The following TAF4B variants were observed in gnomAD, a reference collection of about 807,000 sequenced individuals.
TAF4B encodes the protein transcription initiation factor TFIID subunit 4B.
TAF4B carries 38 observed loss-of-function variants against 86.4 expected under a neutral mutation model. The ratio of observed to expected loss-of-function variants is 0.44; its 90% CI spans 0.34 to 0.58. TAF4B has a LOEUF of 0.58. TAF4B is among the 20% of genes least tolerant of loss of function. The probability of loss-of-function intolerance (pLI) is 0.02; values close to 1 mark genes in which losing one functional copy is unlikely to be tolerated. For synonymous variants in TAF4B, 388 were observed against 391.2 expected (o/e 0.99, Z 0.10); for missense variants, 988 against 1,027.6 (o/e 0.96, Z 0.53).
intron 1 of TAF4B, among the ~76,000 whole-genome samples, chr18:26,253,381 A>G (rs971479986): frequency 6.6e-6 from 1 of 152,134 alleles, no homozygotes; most frequent in African/African-American, 2.4e-5. Context: ...GTTTTATAGT[A>G]GTTAGTGTTT....
chr18:26,325,957 C>G (rs1196318807), intron 11 of TAF4B, among the ~76,000 whole-genome samples: 2 of 152,046 alleles, frequency 1.3e-5, no homozygotes, highest in African/African-American at 2.4e-5. Context: ...TATGAAATCC[C>G]TCAGTCACAG....
intron 1 of TAF4B, among the ~76,000 whole-genome samples, chr18:26,264,070 A>G (rs575033122): frequency 1.6e-4 from 25 of 152,274 alleles, no homozygotes; most frequent in East Asian, 5.8e-4. Flanking sequence ...AGGACACACA[A>G]ATTGCCTTGG....
At chr18:26,373,391 CAT>C (rs974448436) in intron 14 of TAF4B, among the ~76,000 whole-genome samples, 3 of 152,164 alleles carry the variant, frequency 2.0e-5, no homozygotes, top group Non-Finnish European at 4.4e-5. Flanking sequence ...TATTGTCACT[CAT>C]ACCTTTTGAT....
chr18:26,325,127 G>A (rs1021035862), intron 11 of TAF4B, among the ~76,000 whole-genome samples: 1 of 152,208 alleles, frequency 6.6e-6, no homozygotes, highest in Non-Finnish European at 1.5e-5. Context: ...AAGTAAATAA[G>A]TAGAAAGTGA....
At chr18:26,271,020 A>G (rs896390842) in intron 3 of TAF4B, among the ~76,000 whole-genome samples, 5 of 152,136 alleles carry the variant, frequency 3.3e-5, no homozygotes. Flanking sequence ...AAGTTGGGCT[A>G]CTCCTTAGTG....
intron 1 of TAF4B, among the ~76,000 whole-genome samples, chr18:26,253,594 T>G (rs114518775): frequency 0.019 from 2,920 of 152,288 alleles, 80 homozygotes; most frequent in African/African-American, 0.067. Flanking sequence ...ATAGATTGAG[T>G]TGGGACGTGT....
At chr18:26,346,825 ATATATATATATGTGTGTGTG>A (rs2057193603) in intron 13 of TAF4B, among the ~76,000 whole-genome samples, 4 of 19,938 alleles carry the variant, frequency 2.0e-4, no homozygotes, top group African/African-American at 4.9e-4. Context: ...ATGTGTGTGT[ATATATATATATGTGTGTGTG>A]TATATATATA....
At position 26,353,189 on chromosome 18, in the gene TAF4B, T is replaced by C. The variant is rs542564946; in HGVS notation, c.2317-4501T>C. On this transcript the variant is annotated intron_variant, in intron 13 of 14. Coordinates refer to ENST00000269142, the MANE Select transcript of TAF4B (RefSeq NM_005640.3). ...ACATCCCAAACAAAATGTTAGCAAATCAAATCTACTTTAGATTTGATATAA... is the reference window on the plus strand; with the variant it reads ...ACATCCCAAACAAAATGTTAGCAAACCAAATCTACTTTAGATTTGATATAA... Among the ~76,000 whole-genome samples, 19 of 152,200 alleles carry C rather than the reference T, an allele frequency of 1.2e-4. No homozygotes were observed. In the South Asian group the frequency reaches 3.9e-3, roughly 32 times the overall value.
At chr18:26,358,547 A>G (rs1291323584) in intron 14 of TAF4B, among the ~76,000 whole-genome samples, 1 of 152,136 alleles carries the variant, frequency 6.6e-6, no homozygotes, top group Non-Finnish European at 1.5e-5. Context: ...TGTCTCTACT[A>G]AAAATATAAA....
intron 14 of TAF4B, among the ~76,000 whole-genome samples, chr18:26,380,781 A>G (rs2057472933): frequency 6.6e-6 from 1 of 151,614 alleles, no homozygotes; most frequent in Non-Finnish European, 1.5e-5. Context: ...TATAAATAAC[A>G]TATAATTGAG....
At chr18:26,336,231 C>A (rs889037349) in intron 13 of TAF4B, among the ~76,000 whole-genome samples, 1 of 152,188 alleles carries the variant, frequency 6.6e-6, no homozygotes, top group Non-Finnish European at 1.5e-5. Context: ...TTTTAAGGAT[C>A]TTTGTGCTAA....
chr18:26,306,610 C>T (rs939211891), intron 9 of TAF4B, among the ~76,000 whole-genome samples: 1 of 152,066 alleles, frequency 6.6e-6, no homozygotes, highest in African/African-American at 2.4e-5. Flanking sequence ...ATAATCTCAG[C>T]TATTTCTTAG....
intron 14 of TAF4B, among the ~76,000 whole-genome samples, chr18:26,358,406 G>A (rs570734711): frequency 3.3e-5 from 5 of 152,314 alleles, no homozygotes; most frequent in Admixed American, 2.6e-4. Flanking sequence ...CATCTTCAGA[G>A]TAATTATTTA....
intron 13 of TAF4B, among the ~76,000 whole-genome samples, chr18:26,350,141 T>C (rs192044407): frequency 3.0e-4 from 46 of 152,266 alleles, no homozygotes; most frequent in Admixed American, 7.2e-4. Context: ...GGACATACTT[T>C]ATGTCAGGAA....
At position 26,275,025 on chromosome 18, in the gene TAF4B, A is replaced by G. The variant is rs749384298; in HGVS notation, c.854A>G (p.Asn285Ser). 1.2e-6 allele frequency: 2 copies of G among 1,611,234 alleles called. No homozygotes were observed. Among genetic ancestry groups the G allele is most frequent in the South Asian group, 1.1e-5 (1 of 90,560 alleles). The change falls in exon 5 of 15, where the codon AAT (asparagine) becomes AGT (serine). Residue 285 changes from asparagine to serine, a missense_variant. Coordinates refer to ENST00000269142, the MANE Select transcript of TAF4B (RefSeq NM_005640.3). Reference sequence around the variant, plus strand: ...TCACAGTCCCCAGAAATGGGGCAAAATGTGAAGAAGCTGGTGGAACAACTT... The same window carrying G: ...TCACAGTCCCCAGAAATGGGGCAAAGTGTGAAGAAGCTGGTGGAACAACTT... ...SGSQSPEMGQ[N>S]VKKLVEQLLD...
intron 10 of TAF4B, among the ~76,000 whole-genome samples, chr18:26,316,324 A>G (rs1486336198): frequency 6.6e-6 from 1 of 152,162 alleles, no homozygotes; most frequent in Non-Finnish European, 1.5e-5. Flanking sequence ...CTTCACAGGT[A>G]CTCAGTAAAT....
intron 8 of TAF4B, 122 bp downstream of exon 8, chr18:26,292,503 A>G: frequency 9.8e-7 from 1 of 1,017,124 alleles, no homozygotes; most frequent in Non-Finnish European, 1.4e-6. Flanking sequence ...GCACCCATTG[A>G]GAGAAAACAG....
At chr18:26,301,290 TTG>T (rs2056728979) in intron 9 of TAF4B, among the ~76,000 whole-genome samples, 1 of 147,548 alleles carries the variant, frequency 6.8e-6, no homozygotes, top group African/African-American at 2.5e-5. Flanking sequence ...GTTGTTGTTG[TTG>T]TTTTTTTTTT....
intron 14 of TAF4B, among the ~76,000 whole-genome samples, chr18:26,370,766 C>G (rs1299934904): frequency 1.3e-5 from 2 of 152,080 alleles, no homozygotes; most frequent in Admixed American, 1.3e-4. Flanking sequence ...ATGGACTCAC[C>G]AATAGAGATA....
Sources: gnomAD v4.1 joint callset for allele counts (sites outside exome capture counted in the v4.1 genomes callset) on GRCh38, gnomAD v4.1.1 for gene constraint, MANE v1.5 for transcripts, NCBI Gene and HGNC (gene_info 2026-07-23, HGNC 2026-07-21) for gene names.